Variants in NMNAT2 observed in about 807,000 individuals in gnomAD.
NMNAT2 encodes the protein nicotinamide nucleotide adenylyltransferase 2.
In NMNAT2, 11 loss-of-function variants were observed where a neutral mutation model predicts 41.6. The observed-to-expected ratio is 0.26, with a 90% CI of 0.17 to 0.44. NMNAT2 has a LOEUF of 0.44. Among genes scored for constraint, NMNAT2 ranks in the 20% least tolerant of loss-of-function variants. The pLI is 1.00. For missense variants in NMNAT2, 288 were observed against 407.7 expected (o/e 0.71, Z 2.53); for synonymous variants, 148 against 151.2 (o/e 0.98, Z 0.16).
intron 1 of NMNAT2, among the ~76,000 whole-genome samples, chr1:183,331,758 C>A (rs1200709963): frequency 1.3e-5 from 2 of 152,174 alleles, no homozygotes; most frequent in African/African-American, 2.4e-5. Flanking sequence ...CATAGCCAGC[C>A]GCACGCCCCA....
intron 1 of NMNAT2, among the ~76,000 whole-genome samples, chr1:183,306,386 T>C (rs544937722): frequency 6.6e-6 from 1 of 152,216 alleles, no homozygotes; most frequent in South Asian, 2.1e-4. Context: ...ATTTTCAAAC[T>C]TCTATAAGAT....
rs77958264 is a variant in NMNAT2 at position 183,417,279 on chromosome 1, T to C, written c.85+904A>G. On this transcript the variant is annotated intron_variant, in intron 1 of 10. Coordinates refer to ENST00000287713, the MANE Select transcript of NMNAT2 (RefSeq NM_015039.4). Reference sequence around the variant, plus strand: ...GCCAGCCGGATGCCCCCGCTCGCTCTCTCTGACTCCACGCCCCAAAGCTTC... The same window carrying C: ...GCCAGCCGGATGCCCCCGCTCGCTCCCTCTGACTCCACGCCCCAAAGCTTC... Among the ~76,000 whole-genome samples the C allele has an allele frequency of 2.7e-4, 41 of 152,098 alleles. 1 individual carries two copies. In the East Asian group the frequency reaches 7.6e-3, roughly 28 times the overall value.
At chr1:183,304,774 C>T (rs1421445079) in intron 1 of NMNAT2, 2 of 1,613,192 alleles carry the variant, frequency 1.2e-6, no homozygotes, top group African/African-American at 1.3e-5. Context: ...CTACTTGCAG[C>T]CCTGTGCTGG....
chr1:183,322,143 GC>G (rs1662368876), intron 1 of NMNAT2, among the ~76,000 whole-genome samples: 1 of 152,134 alleles, frequency 6.6e-6, no homozygotes, highest in South Asian at 2.1e-4. Context: ...ATATTTGGAT[GC>G]CTTTAATAAC....
chr1:183,342,643 TTC>T (rs973524234), intron 1 of NMNAT2, among the ~76,000 whole-genome samples: 3 of 152,220 alleles, frequency 2.0e-5, no homozygotes, highest in South Asian at 4.1e-4. Flanking sequence ...CCCCAGACAG[TTC>T]TCTCTCTTGG....
At chr1:183,293,437 G>C (rs1364930648) in intron 2 of NMNAT2, among the ~76,000 whole-genome samples, 1 of 152,268 alleles carries the variant, frequency 6.6e-6, no homozygotes, top group Non-Finnish European at 1.5e-5. Flanking sequence ...GGGTGTTTCT[G>C]CTCCTCTTTC....
intron 1 of NMNAT2, among the ~76,000 whole-genome samples, chr1:183,352,127 G>A (rs998975194): frequency 6.6e-6 from 1 of 152,096 alleles, no homozygotes; most frequent in African/African-American, 2.4e-5. Flanking sequence ...TCCGTTGTTG[G>A]GCAGGGAGAG....
In NMNAT2 at chr1:183,351,029, G is replaced by A. The variant is rs139892253; in HGVS notation, c.86-57236C>T. Among the ~76,000 whole-genome samples, 111 of 152,300 alleles carry A rather than the reference G, an allele frequency of 7.3e-4. 1 individual carries two copies. Among genetic ancestry groups the A allele is most frequent in the South Asian group, 1.7e-3 (8 of 4,834 alleles). The stretch of plus-strand genomic sequence containing the variant: ...GGATTGCGAGGTCCCAGAGAACTGT[G>A]TCCCATCACCGTTATTAGCCAATCT... On this transcript the variant is annotated intron_variant, in intron 1 of 10. Transcript: ENST00000287713.
chr1:183,256,744 T>C (rs774523931), intron 10 of NMNAT2, among the ~76,000 whole-genome samples: 1 of 152,148 alleles, frequency 6.6e-6, no homozygotes, highest in Non-Finnish European at 1.5e-5. Context: ...ATCAGAAATA[T>C]TGGCCTACAG....
chr1:183,356,388 C>T (rs1663185528), intron 1 of NMNAT2, among the ~76,000 whole-genome samples: 1 of 152,154 alleles, frequency 6.6e-6, no homozygotes. Context: ...TTAAGCAGCT[C>T]ATTGGATCCC....
chr1:183,354,409 C>CT (rs67663742), intron 1 of NMNAT2, among the ~76,000 whole-genome samples: 1,727 of 89,636 alleles, frequency 0.019, 80 homozygotes, highest in African/African-American at 0.053. Flanking sequence ...TCTTTAATGT[C>CT]TTTTTTTTTT....
At position 183,248,381 on chromosome 1, in the gene NMNAT2, A is replaced by G. The variant is rs1660283691; in HGVS notation, c.*4260T>C. 6.6e-6 allele frequency: 1 copy of G among 152,652 alleles called. No individual in the cohort carries two copies. Among genetic ancestry groups the G allele is most frequent in the Non-Finnish European group, 1.5e-5 (1 of 68,048 alleles). 9.5% of individuals were successfully genotyped at this position (152,652 alleles called of 1,614,324 possible). Reference sequence around the variant, plus strand: ...CTTGAATATCATTTTTTATTAATGAATTGATTTCCATAAAGCAAATCTTAC... The same window carrying G: ...CTTGAATATCATTTTTTATTAATGAGTTGATTTCCATAAAGCAAATCTTAC... On this transcript the variant is annotated 3_prime_UTR_variant, in exon 11 of 11. Transcript: ENST00000287713.
rs1430257614 is a variant in NMNAT2, at chr1:183,378,441, G to C, written c.85+39742C>G. Among the ~76,000 whole-genome samples the C allele has an allele frequency of 3.3e-5, 5 of 151,764 alleles. No homozygotes were observed. In the East Asian group the frequency reaches 9.7e-4, roughly 29 times the overall value. On this transcript the variant is annotated intron_variant, in intron 1 of 10. Transcript: ENST00000287713. ...GTGGTGGTGCACACCTATAATCCCA[G>C]CTACTCGGGAGGCTGAGGCAGGAGA...
intron 1 of NMNAT2, among the ~76,000 whole-genome samples, chr1:183,389,740 G>A (rs989354919): frequency 1.6e-4 from 1 of 6,306 alleles, no homozygotes; most frequent in African/African-American, 5.5e-4. Flanking sequence ...TGTCAAAAAA[G>A]AAAGAAAGAA....
intron 1 of NMNAT2, among the ~76,000 whole-genome samples, chr1:183,414,933 T>C (rs1485381115): frequency 6.6e-6 from 1 of 152,148 alleles, no homozygotes; most frequent in Non-Finnish European, 1.5e-5. Flanking sequence ...TTGTGTCTGT[T>C]TTTTAAAAAA....
intron 10 of NMNAT2, among the ~76,000 whole-genome samples, chr1:183,257,763 CTAGA>C (rs1660556188): frequency 6.7e-6 from 1 of 148,776 alleles, no homozygotes; most frequent in Non-Finnish European, 1.5e-5. Context: ...TTTTTTCAGT[CTAGA>C]TAAAGGTTTG....
At chr1:183,361,659 T>C (rs999458035) in intron 1 of NMNAT2, among the ~76,000 whole-genome samples, 1 of 152,222 alleles carries the variant, frequency 6.6e-6, no homozygotes, top group African/African-American at 2.4e-5. Context: ...TCCTATTGAC[T>C]GGATACTCTA....
Position 183,286,732 on chromosome 1 carries a change from G to A in NMNAT2, c.378C>T (p.Ile126=), listed in dbSNP as rs201999438. The A allele has an allele frequency of 4.0e-5, 65 of 1,611,844 alleles. 1 individual carries two copies. The East Asian group carries it at 4.5e-4, about 11-fold the overall frequency. The stretch of plus-strand genomic sequence containing the variant: ...GGGGGGTCTCGTTTTGTGGCTGTCC[G>A]ATCACAGGTGTCATGGAAGGTGTGT... ...NVNTPSMTPV[I]GQPQNETPQP... Residue 126 remains isoleucine (I), a synonymous_variant, in exon 5 of 11, where the codon ATC becomes ATT. Transcript: ENST00000287713.
At chr1:183,409,556 A>G (rs1294830376) in intron 1 of NMNAT2, among the ~76,000 whole-genome samples, 1 of 152,074 alleles carries the variant, frequency 6.6e-6, no homozygotes, top group Non-Finnish European at 1.5e-5. Flanking sequence ...GCCTCAAGTG[A>G]TCCTCCCACC....
Sources: gnomAD v4.1 joint callset for allele counts (sites outside exome capture counted in the v4.1 genomes callset) on GRCh38, gnomAD v4.1.1 for gene constraint, MANE v1.5 for transcripts, NCBI Gene and HGNC (gene_info 2026-07-23, HGNC 2026-07-21) for gene names.